Variants in PRH1 observed in about 807,000 individuals in gnomAD.
PRH1 encodes the protein proline rich protein HaeIII subfamily 1, also known as salivary acidic proline-rich phosphoprotein 1/2.
A neutral mutation model predicts 7.9 loss-of-function variants in PRH1; 7 were observed. That is an observed-to-expected ratio of 0.89 (90% CI 0.50 to 1.67). The LOEUF is 1.67. Among genes scored for constraint, PRH1 ranks in the 40% most tolerant of loss-of-function variants. PRH1 has a pLI of 0.00. For synonymous variants in PRH1, 45 were observed against 80.8 expected (o/e 0.56, Z 2.38); for missense variants, 109 against 223.6 (o/e 0.49, Z 3.27).
At chr12:10,909,916 C>T (rs1300659921) in intron 2 of PRH1, among the ~76,000 whole-genome samples, 1 of 152,178 alleles carries the variant, frequency 6.6e-6, no homozygotes, top group Non-Finnish European at 1.5e-5. Flanking sequence ...TTTCTCATTC[C>T]CTGCCTCATC....
chr12:11,055,097 G>A (rs2443097), intron 1 of PRH1, among the ~76,000 whole-genome samples: 79 of 6,448 alleles, frequency 0.012, 4 homozygotes, highest in Non-Finnish European at 0.019. Flanking sequence ...ATGCTCTTTT[G>A]TTATGAACAC....
At chr12:11,139,211 T>C (rs1254941491) in intron 1 of PRH1, among the ~76,000 whole-genome samples, 1 of 152,158 alleles carries the variant, frequency 6.6e-6, no homozygotes, top group East Asian at 1.9e-4. Flanking sequence ...CATTTTTTTA[T>C]TGGGGAATAT....
rs531814085 is a variant in PRH1 at position 11,107,180 on chromosome 12, T to G, written n.124-59992A>C. On this transcript the variant is annotated intron_variant and non_coding_transcript_variant, in intron 1 of 4. Coordinates refer to the PRH1 transcript ENST00000541977. ...AACACCCAGCTAATTTATTAATTTTTTTGTTGAGACAGAGTCTCCCTATGT... is the reference window on the plus strand; with the variant it reads ...AACACCCAGCTAATTTATTAATTTTGTTGTTGAGACAGAGTCTCCCTATGT... 6.6e-5 allele frequency among the ~76,000 whole-genome samples: 10 copies of G among 152,254 alleles called. No homozygotes were observed. The South Asian group carries it at 2.1e-3, about 32-fold the overall frequency.
intron 1 of PRH1, among the ~76,000 whole-genome samples, chr12:11,162,255 G>A (rs1010534944): frequency 1.3e-5 from 2 of 152,144 alleles, no homozygotes; most frequent in Non-Finnish European, 1.5e-5. Context: ...CAGGGCAGGC[G>A]ACTCCACATA....
chr12:11,030,779 A>G, intron 1 of PRH1: 1 of 1,614,192 alleles, frequency 6.2e-7, no homozygotes, highest in Non-Finnish European at 8.5e-7. Flanking sequence ...AGTGAAGGGC[A>G]CTAAGTTTCC....
intron 1 of PRH1, among the ~76,000 whole-genome samples, chr12:11,122,545 G>A (rs1204476852): frequency 6.6e-6 from 1 of 152,280 alleles, no homozygotes; most frequent in African/African-American, 2.4e-5. Context: ...AATAGTTGGA[G>A]AATGTCAAAG....
chr12:10,961,497 T>C (rs1016339359), intron 2 of PRH1, among the ~76,000 whole-genome samples: 10 of 149,836 alleles, frequency 6.7e-5, no homozygotes, highest in African/African-American at 2.6e-4. Context: ...CCAGCCATGA[T>C]TGGAAGACAT....
chr12:10,929,810 T>G (rs1950177347), intron 2 of PRH1, among the ~76,000 whole-genome samples: 1 of 152,200 alleles, frequency 6.6e-6, no homozygotes. Flanking sequence ...ATCACCAGAG[T>G]GAAATATTGT....
intron 1 of PRH1, among the ~76,000 whole-genome samples, chr12:11,163,797 T>A (rs1332892927): frequency 6.6e-6 from 1 of 152,224 alleles, no homozygotes; most frequent in African/African-American, 2.4e-5. Context: ...ATCAGATTTT[T>A]TACTCTACCA....
intron 1 of PRH1, among the ~76,000 whole-genome samples, chr12:11,124,480 GT>G (rs1946034680): frequency 6.6e-6 from 1 of 152,212 alleles, no homozygotes; most frequent in Non-Finnish European, 1.5e-5. Flanking sequence ...TCTTTTTATA[GT>G]GTTCCTTGGA....
At chr12:10,938,353 CT>C in intron 2 of PRH1, 1 of 1,614,034 alleles carries the variant, frequency 6.2e-7, no homozygotes, top group Non-Finnish European at 8.5e-7. Context: ...GTCTCAGCTT[CT>C]TGTTTCCAAG....
At chr12:10,917,799 C>T (rs1001374514) in intron 2 of PRH1, among the ~76,000 whole-genome samples, 1 of 152,220 alleles carries the variant, frequency 6.6e-6, no homozygotes, top group Non-Finnish European at 1.5e-5. Flanking sequence ...TTGTTCTCTT[C>T]TGACTGAATT....
intron 2 of PRH1, among the ~76,000 whole-genome samples, chr12:10,911,071 A>G (rs1049000994): frequency 1.3e-5 from 2 of 152,178 alleles, no homozygotes; most frequent in Non-Finnish European, 2.9e-5. Context: ...TGACCTTTAA[A>G]TATGTAGCTA....
chr12:11,162,762 CTA>C (rs1947452685), intron 1 of PRH1, among the ~76,000 whole-genome samples: 1 of 152,180 alleles, frequency 6.6e-6, no homozygotes, highest in African/African-American at 2.4e-5. Context: ...TGTGAAAACT[CTA>C]TGTCCCCAAC....
chr12:11,040,225 T>G (rs1357142951), intron 1 of PRH1, among the ~76,000 whole-genome samples: 5 of 152,250 alleles, frequency 3.3e-5, no homozygotes, highest in African/African-American at 1.2e-4. Flanking sequence ...AAAATCAGTC[T>G]CCAATCTTGG....
intron 2 of PRH1, among the ~76,000 whole-genome samples, chr12:10,942,324 A>G (rs1388292624): frequency 1.3e-5 from 2 of 152,136 alleles, no homozygotes; most frequent in African/African-American, 4.8e-5. Flanking sequence ...CAGGGTGGGT[A>G]GGGAAGTACC....
At chr12:11,064,513 C>A (rs1286389335) in intron 1 of PRH1, among the ~76,000 whole-genome samples, 1 of 151,916 alleles carries the variant, frequency 6.6e-6, no homozygotes, top group South Asian at 2.1e-4. Context: ...TGTATATATA[C>A]CTTTGAGTAG....
intron 1 of PRH1, among the ~76,000 whole-genome samples, chr12:11,023,058 G>T (rs1403547371): frequency 2.0e-5 from 3 of 152,072 alleles, no homozygotes; most frequent in Non-Finnish European, 4.4e-5. Flanking sequence ...TCATAACTAG[G>T]ATCATACCAA....
chr12:11,011,197 C>T (rs997050633), intron 1 of PRH1, among the ~76,000 whole-genome samples: 1 of 151,944 alleles, frequency 6.6e-6, no homozygotes, highest in Non-Finnish European at 1.5e-5. Context: ...TTAAGGCAGG[C>T]GTATTATCAC....
Sources: allele counts gnomAD v4.1 joint callset (sites outside exome capture counted in the v4.1 genomes callset), GRCh38; gene constraint gnomAD v4.1.1; transcripts MANE v1.5; gene names NCBI Gene and HGNC (gene_info 2026-07-23, HGNC 2026-07-21).